Variants in VSTM4 observed in about 807,000 individuals in gnomAD.
VSTM4 encodes the protein V-set and transmembrane domain-containing protein 4.
In VSTM4, 20 loss-of-function variants were observed where a neutral mutation model predicts 36.4. The observed-to-expected ratio is 0.55, with a 90% CI of 0.39 to 0.80. The LOEUF is 0.80. VSTM4 is among the 30% of genes least tolerant of loss of function. The probability of loss-of-function intolerance (pLI) is 0.00; values close to 1 mark genes in which losing one functional copy is unlikely to be tolerated. For missense variants in VSTM4, 392 were observed against 404.5 expected, an observed-to-expected ratio of 0.97 and a Z score of 0.26; for synonymous variants, 182 against 173.9, an observed-to-expected ratio of 1.05 and a Z score of -0.37.
chr10:49,106,817 A>G (rs1321990524), intron 2 of VSTM4, among the ~76,000 whole-genome samples: 2 of 152,368 alleles, frequency 1.3e-5, no homozygotes, highest in Non-Finnish European at 2.9e-5. Context: ...ACTAAGCCTC[A>G]GTCTTGGCCT....
At chr10:49,032,978 C>T (rs1219935785) in intron 7 of VSTM4, among the ~76,000 whole-genome samples, 2 of 147,302 alleles carry the variant, frequency 1.4e-5, no homozygotes, top group African/African-American at 5.0e-5. Context: ...TAGAAAAATA[C>T]TTTAGGAAGT....
chr10:49,049,767 TTC>T (rs963080345), intron 5 of VSTM4, among the ~76,000 whole-genome samples: 2 of 152,070 alleles, frequency 1.3e-5, no homozygotes, highest in African/African-American at 4.8e-5. Flanking sequence ...TTTTTTTTTT[TTC>T]CAAATCAAAA....
intron 5 of VSTM4, among the ~76,000 whole-genome samples, chr10:49,053,713 A>G (rs1364580503): frequency 6.6e-6 from 1 of 152,216 alleles, no homozygotes; most frequent in Non-Finnish European, 1.5e-5. Context: ...GTTTCAGCCC[A>G]GTGAGTAGGG....
chr10:49,039,001 G>T (rs1843476236), intron 7 of VSTM4, among the ~76,000 whole-genome samples: 1 of 152,126 alleles, frequency 6.6e-6, no homozygotes, highest in South Asian at 2.1e-4. Flanking sequence ...TACAAAGGTG[G>T]GCGGACCATG....
At chr10:49,047,614 C>T (rs892507305) in intron 6 of VSTM4, among the ~76,000 whole-genome samples, 10 of 152,182 alleles carry the variant, frequency 6.6e-5, no homozygotes, top group African/African-American at 2.4e-4. Context: ...GTGGAATGAA[C>T]GACATCGAGC....
chr10:49,038,337 A>C (rs1249302394), intron 7 of VSTM4, among the ~76,000 whole-genome samples: 1 of 152,250 alleles, frequency 6.6e-6, no homozygotes, highest in Non-Finnish European at 1.5e-5. Flanking sequence ...CATTATGCTA[A>C]GCAAAATAAG....
chr10:49,046,892 G>T, intron 7 of VSTM4, 91 bp downstream of exon 7: 1 of 1,280,054 alleles, frequency 7.8e-7, no homozygotes, highest in Non-Finnish European at 1.1e-6. Context: ...AAAACTTTCT[G>T]TATGTTTTGA....
At chr10:49,064,061 A>T (rs1843928043) in intron 5 of VSTM4, 1 of 152,240 alleles carries the variant, frequency 6.6e-6, no homozygotes, top group South Asian at 2.1e-4. Context: ...ATGGGAAAAC[A>T]TAAGATGTCT....
chr10:49,019,944 A>T (rs1843157589), intron 7 of VSTM4, among the ~76,000 whole-genome samples, 169 bp from the exon 8 acceptor site: 1 of 152,186 alleles, frequency 6.6e-6, no homozygotes, highest in Non-Finnish European at 1.5e-5. Flanking sequence ...AATTAATAAG[A>T]TAGATCTCAT....
At chr10:49,097,055 G>A (rs1844585673) in intron 2 of VSTM4, among the ~76,000 whole-genome samples, 1 of 152,116 alleles carries the variant, frequency 6.6e-6, no homozygotes, top group African/African-American at 2.4e-5. Context: ...GTGAACACCA[G>A]CAGCACACGC....
chr10:49,081,918 T>C (rs1183299845), intron 3 of VSTM4, among the ~76,000 whole-genome samples: 1 of 152,212 alleles, frequency 6.6e-6, no homozygotes, highest in Non-Finnish European at 1.5e-5. Flanking sequence ...GCAACCAGTA[T>C]GCCTATGTTC....
At chr10:49,035,067 G>A (rs116355745) in intron 7 of VSTM4, among the ~76,000 whole-genome samples, 2,079 of 152,258 alleles carry the variant, frequency 0.014, 67 homozygotes, top group East Asian at 0.081. Context: ...TGGGGACAGC[G>A]TGCCCCAGAG....
intron 2 of VSTM4, among the ~76,000 whole-genome samples, chr10:49,086,643 T>A (rs553825863): frequency 6.6e-6 from 1 of 152,316 alleles, no homozygotes; most frequent in East Asian, 1.9e-4. Context: ...AAAGTTTCCA[T>A]GTACAGGGGT....
chr10:49,082,616 A>C (rs1393683172), intron 3 of VSTM4, among the ~76,000 whole-genome samples: 1 of 152,212 alleles, frequency 6.6e-6, no homozygotes, highest in African/African-American at 2.4e-5. Flanking sequence ...CGGAGGTTGC[A>C]ATGAGCCAAA....
intron 7 of VSTM4, among the ~76,000 whole-genome samples, chr10:49,024,315 G>T (rs1170958937): frequency 6.6e-6 from 1 of 152,192 alleles, no homozygotes; most frequent in Non-Finnish European, 1.5e-5. Context: ...CTACCAGCCA[G>T]TGAGAATCCA....
At chr10:49,088,494 G>A (rs1276675168) in intron 2 of VSTM4, among the ~76,000 whole-genome samples, 3 of 152,200 alleles carry the variant, frequency 2.0e-5, no homozygotes, top group Non-Finnish European at 4.4e-5. Flanking sequence ...CTTAAAATAA[G>A]AAACAGAGTG....
rs182089905 is a variant in VSTM4 at position 49,069,326 on chromosome 10, G to A, written c.635-4590C>T. Among the ~76,000 whole-genome samples the A allele has an allele frequency of 4.0e-3, 610 of 152,348 alleles. 4 individuals are homozygous for A. The highest frequency in any genetic ancestry group is 7.0e-3 in the Non-Finnish European group (477 of 68,024). On this transcript the variant is annotated intron_variant, in intron 4 of 7. Coordinates refer to ENST00000332853, the MANE Select transcript of VSTM4 (RefSeq NM_001031746.5). ...CACAGGCCCCGCAATAGGACCCATG[G>A]ATGTTTCTGCTGTATCCATCAAGTG...
chr10:49,058,542 A>C (rs1289415380), intron 5 of VSTM4, among the ~76,000 whole-genome samples: 1 of 152,162 alleles, frequency 6.6e-6, no homozygotes, highest in African/African-American at 2.4e-5. Flanking sequence ...CTGCATCCTC[A>C]GAGCATTCTG....
chr10:49,093,405 A>T lies in VSTM4; in HGVS notation c.458-7382T>A, dbSNP rs201564637. On this transcript the variant is annotated intron_variant, in intron 2 of 7. Transcript: ENST00000332853. ...TTTCCCGTTTCAAAAGGACCCTGAA[A>T]GAGCACCTTTTAATAGCATGTCTCA... 6.6e-5 allele frequency among the ~76,000 whole-genome samples: 10 copies of T among 152,338 alleles called. No individual in the cohort carries two copies. The East Asian group carries it at 1.7e-3, about 26-fold the overall frequency.
Sources: gnomAD v4.1 joint callset for allele counts (sites outside exome capture counted in the v4.1 genomes callset) on GRCh38, gnomAD v4.1.1 for gene constraint, MANE v1.5 for transcripts, NCBI Gene and HGNC (gene_info 2026-07-23, HGNC 2026-07-21) for gene names.